The following ASIC2 variants were observed in gnomAD, a reference collection of about 807,000 sequenced individuals.
ASIC2 encodes acid-sensing ion channel 2.
In ASIC2, 25 loss-of-function variants were observed where a neutral mutation model predicts 57.3. That is an observed-to-expected ratio of 0.44 (90% confidence interval 0.32 to 0.61). The LOEUF (loss-of-function observed/expected upper bound fraction) is 0.61. Among genes scored for constraint, ASIC2 ranks in the 20% least tolerant of loss-of-function variants. ASIC2 has a pLI of 0.06. For missense variants in ASIC2, 641 were observed against 738.1 expected, an observed-to-expected ratio of 0.87 and a Z score of 1.52; for synonymous variants, 319 against 307.5, an observed-to-expected ratio of 1.04 and a Z score of -0.39.
At chr17:33,462,015 C>T (rs1431422125) in intron 1 of ASIC2, among the ~76,000 whole-genome samples, 1 of 152,168 alleles carries the variant, frequency 6.6e-6, no homozygotes, top group Non-Finnish European at 1.5e-5. Flanking sequence ...TTTGCTTCCC[C>T]TGGAGCTTGT....
chr17:34,087,135 C>T lies in ASIC2; in HGVS notation c.555+68843G>A, dbSNP rs576324868. On this transcript the variant is annotated intron_variant, in intron 1 of 9. Coordinates refer to the ASIC2 transcript ENST00000359872. ...AGTTGATGCAGTTTCTTCCTCGTCT[C>T]GATGGTCTTTACATTTTGGCACGAT... Among the ~76,000 whole-genome samples, 433 of 151,948 alleles carry T rather than the reference C, an allele frequency of 2.8e-3. 4 individuals carry two copies. Among genetic ancestry groups the T allele is most frequent in the African/African-American group, 9.9e-3 (412 of 41,436 alleles).
At chr17:33,560,415 G>A (rs1392908727) in intron 1 of ASIC2, among the ~76,000 whole-genome samples, 1 of 152,244 alleles carries the variant, frequency 6.6e-6, no homozygotes, top group Non-Finnish European at 1.5e-5. Flanking sequence ...AAGGACTTAT[G>A]AGTTGATTAA....
At chr17:33,362,434 G>A (rs1425241485) in intron 1 of ASIC2, among the ~76,000 whole-genome samples, 2 of 152,186 alleles carry the variant, frequency 1.3e-5, no homozygotes, top group Non-Finnish European at 2.9e-5. Flanking sequence ...GAGTGCCTGG[G>A]TACTGCCAGT....
intron 1 of ASIC2, among the ~76,000 whole-genome samples, chr17:34,109,759 A>T (rs1175085250): frequency 6.6e-6 from 1 of 151,930 alleles, no homozygotes; most frequent in Non-Finnish European, 1.5e-5. Flanking sequence ...CATATACTCT[A>T]CTCTCATTTT....
chr17:33,992,792 G>A (rs1906041413), intron 1 of ASIC2, among the ~76,000 whole-genome samples: 1 of 152,174 alleles, frequency 6.6e-6, no homozygotes, highest in Admixed American at 6.5e-5. Flanking sequence ...CCACTGCCAA[G>A]CATTTAGGAT....
chr17:33,630,425 C>T (rs1194138092), intron 1 of ASIC2, among the ~76,000 whole-genome samples: 1 of 152,116 alleles, frequency 6.6e-6, no homozygotes, highest in African/African-American at 2.4e-5. Flanking sequence ...CCTTTCCTGC[C>T]CCTTTCCTGC....
chr17:34,129,366 A>G (rs2045775787), intron 1 of ASIC2, among the ~76,000 whole-genome samples: 1 of 152,124 alleles, frequency 6.6e-6, no homozygotes, highest in South Asian at 2.1e-4. Flanking sequence ...CTTGGAATAC[A>G]ATTTCTTTTC....
At chr17:33,968,931 T>C (rs1312177999) in intron 1 of ASIC2, among the ~76,000 whole-genome samples, 1 of 152,196 alleles carries the variant, frequency 6.6e-6, no homozygotes, top group Non-Finnish European at 1.5e-5. Context: ...GGTCAGCCTT[T>C]AGTTTCAGCC....
At chr17:33,966,303 T>G (rs924714847) in intron 1 of ASIC2, among the ~76,000 whole-genome samples, 4 of 152,156 alleles carry the variant, frequency 2.6e-5, no homozygotes, top group African/African-American at 9.7e-5. Flanking sequence ...CAGGCGTGAG[T>G]TGGAATTCCA....
At chr17:33,361,751 A>G (rs1238701856) in intron 1 of ASIC2, among the ~76,000 whole-genome samples, 2 of 152,182 alleles carry the variant, frequency 1.3e-5, no homozygotes, top group African/African-American at 4.8e-5. Context: ...TTTCCTTTCC[A>G]TCACCCCAGT....
chr17:33,947,842 G>A (rs1467636313), intron 1 of ASIC2, among the ~76,000 whole-genome samples: 7 of 152,146 alleles, frequency 4.6e-5, no homozygotes, highest in Non-Finnish European at 7.4e-5. Context: ...TACATATTAT[G>A]TATTTTTACC....
At chr17:33,487,910 A>C (rs1913626794) in intron 1 of ASIC2, among the ~76,000 whole-genome samples, 1 of 152,144 alleles carries the variant, frequency 6.6e-6, no homozygotes, top group African/African-American at 2.4e-5. Context: ...TGAAGGATGC[A>C]CTGTTGGCTC....
At chr17:33,678,499 CAGA>C (rs1014265181) in intron 1 of ASIC2, among the ~76,000 whole-genome samples, 3 of 145,876 alleles carry the variant, frequency 2.1e-5, no homozygotes, top group Non-Finnish European at 3.0e-5. Flanking sequence ...TGTCACAGCC[CAGA>C]AGGAGGAAGA....
intron 2 of ASIC2, among the ~76,000 whole-genome samples, chr17:33,110,096 A>G (rs1026448143): frequency 2.0e-5 from 3 of 152,072 alleles, no homozygotes; most frequent in Non-Finnish European, 2.9e-5. Flanking sequence ...CTCCTGAATC[A>G]AGATAACAGG....
chr17:33,293,994 C>A (rs368301867), upstream of ASIC2, among the ~76,000 whole-genome samples: 1 of 151,996 alleles, frequency 6.6e-6, no homozygotes, highest in Admixed American at 6.6e-5. Flanking sequence ...AGGCTCAGTG[C>A]GACAATCCTC....
At chr17:33,376,479 G>T (rs1846357684) in intron 1 of ASIC2, among the ~76,000 whole-genome samples, 1 of 152,132 alleles carries the variant, frequency 6.6e-6, no homozygotes, top group South Asian at 2.1e-4. Context: ...AAAGTGCATG[G>T]AATAATCAAT....
At chr17:34,081,920 C>G (rs1909899450) in intron 1 of ASIC2, 1 of 152,152 alleles carries the variant, frequency 6.6e-6, no homozygotes, top group Admixed American at 6.6e-5. Flanking sequence ...TACTTAACCC[C>G]ATTTTCAGAA....
intron 1 of ASIC2, among the ~76,000 whole-genome samples, chr17:33,602,116 A>C (rs1905127304): frequency 8.4e-6 from 1 of 118,386 alleles, no homozygotes; most frequent in Non-Finnish European, 2.1e-5. Context: ...TGATTTAGAT[A>C]AGACTTTGGA....
At chr17:33,748,761 A>G (rs898590225) in intron 1 of ASIC2, among the ~76,000 whole-genome samples, 15 of 152,250 alleles carry the variant, frequency 9.9e-5, no homozygotes, top group African/African-American at 2.2e-4. Flanking sequence ...ATAAGGCTTC[A>G]TAATGTCCTT....
Sources: allele counts gnomAD v4.1 joint callset (sites outside exome capture counted in the v4.1 genomes callset), GRCh38; gene constraint gnomAD v4.1.1; transcripts MANE v1.5; gene names NCBI Gene and HGNC (gene_info 2026-07-23, HGNC 2026-07-21).